Variants in PACRG observed in about 807,000 individuals in gnomAD.
The protein encoded by PACRG is parkin coregulated gene protein.
PACRG carries 29 observed loss-of-function variants against 29.7 expected under a neutral mutation model. The ratio of observed to expected loss-of-function variants is 0.98; its 90% CI spans 0.73 to 1.33. The LOEUF is 1.33. Among genes scored for constraint, PACRG ranks in the 40% most tolerant of loss-of-function variants. The pLI is 0.00. For missense variants in PACRG, 279 were observed against 316.2 expected, an observed-to-expected ratio of 0.88 and a Z score of 0.89; for synonymous variants, 116 against 118.7, an observed-to-expected ratio of 0.98 and a Z score of 0.15.
intron 4 of PACRG, among the ~76,000 whole-genome samples, chr6:163,142,210 G>C (rs964978256): frequency 5.9e-5 from 9 of 151,928 alleles, no homozygotes; most frequent in Non-Finnish European, 1.2e-4. Context: ...AAACAAAAGA[G>C]CAAACATTCA....
chr6:162,957,205 C>T (rs925561913), intron 2 of PACRG: 22 of 369,556 alleles, frequency 6.0e-5, no homozygotes, highest in Non-Finnish European at 7.9e-5. Flanking sequence ...GTGTGGGGCC[C>T]AGCTTATGCC....
intron 4 of PACRG, among the ~76,000 whole-genome samples, chr6:163,093,675 A>G (rs1814319087): frequency 6.6e-6 from 1 of 152,124 alleles, no homozygotes; most frequent in African/African-American, 2.4e-5. Flanking sequence ...AAGATTTCAG[A>G]CTCCAGATAT....
In PACRG at chr6:162,754,952, T is replaced by A. The variant is rs566481650; in HGVS notation, c.156+26561T>A. Among the ~76,000 whole-genome samples the A allele has an allele frequency of 5.3e-5, 8 of 152,286 alleles. No homozygotes were observed. In the East Asian group the frequency reaches 1.5e-3, roughly 29 times the overall value. Reference sequence around the variant, plus strand: ...GGGGACTTTTACAGGCATGTAAAAGTCTTATTCAATCTCTTTACTTACTAC... The same window carrying A: ...GGGGACTTTTACAGGCATGTAAAAGACTTATTCAATCTCTTTACTTACTAC... On this transcript the variant is annotated intron_variant, in intron 1 of 4. Transcript: ENST00000366888.
At chr6:163,235,009 T>G (rs1479447798) in intron 4 of PACRG, among the ~76,000 whole-genome samples, 1 of 152,112 alleles carries the variant, frequency 6.6e-6, no homozygotes, top group East Asian at 1.9e-4. Context: ...ACGACTATGT[T>G]TAAATGAAGA....
chr6:163,207,234 T>C (rs1391146088), intron 4 of PACRG, among the ~76,000 whole-genome samples: 1 of 152,228 alleles, frequency 6.6e-6, no homozygotes, highest in Non-Finnish European at 1.5e-5. Context: ...GAAAGTGATC[T>C]GTTCCCTCAT....
At chr6:162,981,803 G>A (rs957372683) in intron 2 of PACRG, among the ~76,000 whole-genome samples, 1 of 151,248 alleles carries the variant, frequency 6.6e-6, no homozygotes, top group Non-Finnish European at 1.5e-5. Flanking sequence ...TTTTGGAGCT[G>A]TTGTGAAAGG....
At chr6:163,167,371 G>A (rs145066208) in intron 4 of PACRG, among the ~76,000 whole-genome samples, 2 of 152,140 alleles carry the variant, frequency 1.3e-5, no homozygotes, top group Admixed American at 6.5e-5. Flanking sequence ...TCAGAGGGTC[G>A]CAGCTTAATC....
chr6:163,012,012 G>A (rs1805662799), intron 2 of PACRG, among the ~76,000 whole-genome samples: 1 of 152,080 alleles, frequency 6.6e-6, no homozygotes, highest in East Asian at 1.9e-4. Flanking sequence ...GAAAGAACAG[G>A]TGTCACACTA....
At chr6:163,074,098 A>G (rs1368585758) in intron 3 of PACRG, among the ~76,000 whole-genome samples, 2 of 152,242 alleles carry the variant, frequency 1.3e-5, no homozygotes, top group African/African-American at 4.8e-5. Flanking sequence ...GGAAATCAGT[A>G]TATCAAAGAA....
At chr6:162,820,468 C>T (rs558309083) in intron 2 of PACRG, among the ~76,000 whole-genome samples, 1 of 152,092 alleles carries the variant, frequency 6.6e-6, no homozygotes, top group African/African-American at 2.4e-5. Flanking sequence ...CAATTAAAAT[C>T]AGCCCAACTG....
At position 163,276,008 on chromosome 6, in the gene PACRG, C is replaced by CTTCCTTCT. The variant is rs1554239015; in HGVS notation, c.614-38816_614-38815insCTTCTTTC. ...TTCTCTTTCCTTCCTTCCTTCCTTC[C>CTTCCTTCT]TTCTTTCTTTCTTTCTTTCTTTCTT... On this transcript the variant is annotated intron_variant, in intron 4 of 4. Coordinates refer to ENST00000366888, the MANE Select transcript of PACRG (RefSeq NM_001080379.2). Among the ~76,000 whole-genome samples the CTTCCTTCT allele has an allele frequency of 5.8e-3, 821 of 140,658 alleles. 6 individuals carry two copies. The highest frequency in any genetic ancestry group is 0.022 in the African/African-American group (770 of 35,526). 92.3% of individuals were successfully genotyped at this position (140,658 alleles called of 152,430 possible). A position where few individuals can be genotyped will look rare whatever the true frequency, so the allele number is the denominator to read the frequency against.
At chr6:163,224,574 A>G (rs766991536) in intron 4 of PACRG, among the ~76,000 whole-genome samples, 3 of 152,272 alleles carry the variant, frequency 2.0e-5, no homozygotes, top group Admixed American at 1.3e-4. Flanking sequence ...TGCCAAGAAC[A>G]TAACACAGGG....
chr6:162,802,712 C>T (rs1241241428), intron 1 of PACRG, among the ~76,000 whole-genome samples: 5 of 152,098 alleles, frequency 3.3e-5, no homozygotes, highest in African/African-American at 9.7e-5. Flanking sequence ...CTCATCATGT[C>T]ACTACTGCTT....
intron 4 of PACRG, among the ~76,000 whole-genome samples, chr6:163,135,799 G>A (rs956820073): frequency 4.6e-5 from 7 of 152,184 alleles, no homozygotes; most frequent in Non-Finnish European, 5.9e-5. Flanking sequence ...GCCGGCTGAC[G>A]CTTGTAAATG....
intron 2 of PACRG, among the ~76,000 whole-genome samples, chr6:162,839,893 C>G (rs1311441536): frequency 1.4e-5 from 2 of 143,012 alleles, no homozygotes; most frequent in Non-Finnish European, 3.1e-5. Flanking sequence ...TGTCAAAGAT[C>G]AGATAGTTGT....
At chr6:162,736,503 C>T (rs537160999) in intron 1 of PACRG, among the ~76,000 whole-genome samples, 11 of 151,974 alleles carry the variant, frequency 7.2e-5, no homozygotes, top group Non-Finnish European at 1.3e-4. Flanking sequence ...CAGAGCTGAA[C>T]GACCTGAGAG....
intron 1 of PACRG, among the ~76,000 whole-genome samples, chr6:162,808,912 A>C (rs953739073): frequency 6.6e-6 from 1 of 152,118 alleles, no homozygotes; most frequent in African/African-American, 2.4e-5. Flanking sequence ...GGATTTTCAG[A>C]GTCGTTTTGC....
intron 2 of PACRG, among the ~76,000 whole-genome samples, chr6:162,963,603 T>C (rs1029287355): frequency 1.3e-5 from 2 of 151,178 alleles, no homozygotes; most frequent in African/African-American, 4.8e-5. Context: ...TTTATTTAAA[T>C]ATAAAATGTA....
chr6:162,755,048 G>A (rs60562996), intron 1 of PACRG, among the ~76,000 whole-genome samples: 35,040 of 151,822 alleles, frequency 0.23, 4,614 homozygotes, highest in Admixed American at 0.34. Context: ...GAATTTATCC[G>A]TTTCTTCTAG....
Sources: gnomAD v4.1 joint callset for allele counts (sites outside exome capture counted in the v4.1 genomes callset) on GRCh38, gnomAD v4.1.1 for gene constraint, MANE v1.5 for transcripts, NCBI Gene and HGNC (gene_info 2026-07-23, HGNC 2026-07-21) for gene names.